The following NKAIN3 variants were observed in gnomAD, a reference collection of about 807,000 sequenced individuals.
The protein encoded by NKAIN3 is sodium/potassium-transporting ATPase subunit beta-1-interacting protein 3.
NKAIN3 carries 25 observed loss-of-function variants against 30.2 expected under a neutral mutation model. That is an observed-to-expected ratio of 0.83 (90% CI 0.60 to 1.16). NKAIN3 has a LOEUF of 1.16. NKAIN3 is among the 50% of genes most tolerant of loss of function. NKAIN3 has a pLI of 0.00. For missense variants in NKAIN3, 225 were observed against 254.1 expected (o/e 0.89, Z 0.78); for synonymous variants, 91 against 89.6 (o/e 1.02, Z -0.09).
At chr8:62,476,197 G>A (rs761320056) in intron 1 of NKAIN3, among the ~76,000 whole-genome samples, 1 of 152,076 alleles carries the variant, frequency 6.6e-6, no homozygotes, top group Non-Finnish European at 1.5e-5. Context: ...TATGACCATG[G>A]CATATATTTC....
At chr8:62,470,870 A>T (rs1299853360) in intron 1 of NKAIN3, among the ~76,000 whole-genome samples, 1 of 152,146 alleles carries the variant, frequency 6.6e-6, no homozygotes, top group African/African-American at 2.4e-5. Context: ...AAATATGTGT[A>T]GATCTTATTG....
chr8:62,618,606 G>GAAGA (rs1435313107), intron 3 of NKAIN3, among the ~76,000 whole-genome samples: 12 of 151,986 alleles, frequency 7.9e-5, no homozygotes, highest in African/African-American at 1.7e-4. Flanking sequence ...CAAGAAGAAA[G>GAAGA]AAGAAAGAAA....
chr8:62,723,589 A>G (rs1815163325), intron 3 of NKAIN3, among the ~76,000 whole-genome samples: 1 of 152,120 alleles, frequency 6.6e-6, no homozygotes, highest in East Asian at 1.9e-4. Flanking sequence ...TACTAATGAA[A>G]TGTATACTTA....
At chr8:62,462,245 G>T (rs1585835461) in intron 1 of NKAIN3, among the ~76,000 whole-genome samples, 1 of 152,076 alleles carries the variant, frequency 6.6e-6, no homozygotes, top group African/African-American at 2.4e-5. Flanking sequence ...AAAGAAGTTA[G>T]GCATAAGACC....
intron 1 of NKAIN3, among the ~76,000 whole-genome samples, chr8:62,428,359 A>G (rs1804884081): frequency 6.6e-6 from 1 of 151,990 alleles, no homozygotes; most frequent in South Asian, 2.1e-4. Context: ...ATACGTACCC[A>G]GAAGTGAGAT....
chr8:62,732,039 G>A (rs1480118), intron 3 of NKAIN3, among the ~76,000 whole-genome samples: 116,295 of 151,894 alleles, frequency 0.77, 45,882 homozygotes, highest in Non-Finnish European at 0.87. Flanking sequence ...AATGCTTTCT[G>A]TATGTGTGTA....
intron 1 of NKAIN3, among the ~76,000 whole-genome samples, chr8:62,370,845 ACAAAGTC>A (rs1428562656): frequency 6.6e-6 from 1 of 152,024 alleles, no homozygotes; most frequent in Non-Finnish European, 1.5e-5. Context: ...CAGGAATTCT[ACAAAGTC>A]CAGCTACCTT....
intron 5 of NKAIN3, among the ~76,000 whole-genome samples, chr8:62,920,436 A>G (rs189342267): frequency 2.4e-4 from 37 of 152,290 alleles, no homozygotes; most frequent in African/African-American, 8.9e-4. Context: ...TTTCCTTGAG[A>G]CTTGTGGTTT....
rs543496079 is a variant in NKAIN3 at position 62,671,184 on chromosome 8, G to T, written c.274-75748G>T. Among the ~76,000 whole-genome samples, 12 of 152,264 alleles carry T rather than the reference G, an allele frequency of 7.9e-5. No homozygotes were observed. The East Asian group carries it at 2.3e-3, about 29-fold the overall frequency. On this transcript the variant is annotated intron_variant, in intron 3 of 6. Coordinates refer to ENST00000623646, the MANE Select transcript of NKAIN3 (RefSeq NM_001304533.3). ...CAGGTCTCCCAGGATGAGACCAGAT[G>T]AGAACAGACCACCTCTTATCCTACT...
rs114041454 is a variant in NKAIN3 at position 62,428,619 on chromosome 8, A to G, written c.55-150920A>G. 1.6e-3 allele frequency among the ~76,000 whole-genome samples: 245 copies of G among 152,018 alleles called. 1 individual carries two copies. Among genetic ancestry groups the G allele is most frequent in the African/African-American group, 5.3e-3 (219 of 41,526 alleles). ...GACTAGTGATGTTGAGCATTTTTTC[A>G]TATACCAGGTTGTCATTTACATGTC... On this transcript the variant is annotated intron_variant, in intron 1 of 6. Coordinates refer to ENST00000623646, the MANE Select transcript of NKAIN3 (RefSeq NM_001304533.3).
intron 3 of NKAIN3, among the ~76,000 whole-genome samples, chr8:62,644,140 C>T (rs116874237): frequency 0.02 from 3,071 of 152,170 alleles, 42 homozygotes; most frequent in Middle Eastern, 0.065. Flanking sequence ...CATGCCATTG[C>T]TCCATGTGGT....
Position 62,248,887 on chromosome 8 carries a change from C to G in NKAIN3, c.-187C>G, listed in dbSNP as rs375889403. The G allele has an allele frequency of 3.6e-6, 2 of 556,114 alleles. No individual in the cohort carries two copies. The highest frequency in any genetic ancestry group is 3.4e-5 in the East Asian group (1 of 29,404). 34.4% of individuals were successfully genotyped at this position (556,114 alleles called of 1,614,324 possible). A position where few individuals can be genotyped will look rare whatever the true frequency, so the allele number is the denominator to read the frequency against. On this transcript the variant is annotated 5_prime_UTR_variant, in exon 1 of 7. Transcript: ENST00000623646. ...CTCGGGTCGTGCGCACCGCACTGAC[C>G]TCGGCCCGCCCCGCCGGGAAACTAA...
rs377456788 is a variant in NKAIN3, at chr8:62,769,469, A to G, written c.471+22340A>G. ...GTTCTGTCTATATGATGCCCCAAACATTTGGTTAATTCAGTTCATTCAACC... is the reference window on the plus strand; with the variant it reads ...GTTCTGTCTATATGATGCCCCAAACGTTTGGTTAATTCAGTTCATTCAACC... On this transcript the variant is annotated intron_variant, in intron 4 of 6. Coordinates refer to ENST00000623646, the MANE Select transcript of NKAIN3 (RefSeq NM_001304533.3). Among the ~76,000 whole-genome samples, 18 of 152,210 alleles carry G rather than the reference A, an allele frequency of 1.2e-4. No homozygotes were observed. The East Asian group carries it at 1.3e-3, about 11-fold the overall frequency.
intron 4 of NKAIN3, among the ~76,000 whole-genome samples, chr8:62,758,698 A>C (rs894699133): frequency 6.6e-6 from 1 of 152,158 alleles, no homozygotes; most frequent in Non-Finnish European, 1.5e-5. Flanking sequence ...CACATGATGA[A>C]TCTTGGCACC....
chr8:62,503,439 A>G (rs1839871), intron 1 of NKAIN3, among the ~76,000 whole-genome samples: 131,714 of 152,126 alleles, frequency 0.87, 57,116 homozygotes, highest in Middle Eastern at 0.91. Context: ...AGCGGTGCAC[A>G]TATTGTCTTG....
intron 4 of NKAIN3, among the ~76,000 whole-genome samples, chr8:62,867,092 G>T (rs943706106): frequency 1.1e-4 from 10 of 90,180 alleles, no homozygotes; most frequent in Admixed American, 1.2e-4. Context: ...GTTTTGCTTT[G>T]TTTCCAGAAA....
intron 3 of NKAIN3, among the ~76,000 whole-genome samples, chr8:62,615,276 G>T (rs909194782): frequency 6.6e-6 from 1 of 152,064 alleles, no homozygotes; most frequent in Non-Finnish European, 1.5e-5. Flanking sequence ...TAGGAATGTT[G>T]TCTGGGAGGT....
At chr8:62,843,731 G>C (rs1284840707) in intron 4 of NKAIN3, among the ~76,000 whole-genome samples, 1 of 152,220 alleles carries the variant, frequency 6.6e-6, no homozygotes, top group Non-Finnish European at 1.5e-5. Flanking sequence ...AAATGACTAA[G>C]TTTGTGATGA....
intron 1 of NKAIN3, among the ~76,000 whole-genome samples, chr8:62,337,647 ACACT>A (rs764074848): frequency 1.3e-5 from 2 of 151,942 alleles, no homozygotes; most frequent in Non-Finnish European, 2.9e-5. Flanking sequence ...TATACAAACA[ACACT>A]CACACATGCA....
Sources: allele counts gnomAD v4.1 joint callset (sites outside exome capture counted in the v4.1 genomes callset), GRCh38; gene constraint gnomAD v4.1.1; transcripts MANE v1.5; gene names NCBI Gene and HGNC (gene_info 2026-07-23, HGNC 2026-07-21).